PTPRQ: variants seen among roughly 807,000 people sequenced by gnomAD.
PTPRQ encodes the protein protein tyrosine phosphatase receptor type Q.
In PTPRQ, 199 loss-of-function variants were observed where a neutral mutation model predicts 246.0. That is an observed-to-expected ratio of 0.81 (90% CI 0.72 to 0.91). PTPRQ has a LOEUF of 0.91. PTPRQ is among the 40% of genes least tolerant of loss of function. PTPRQ has a pLI of 0.00. For synonymous variants in PTPRQ, 869 were observed against 853.2 expected, an observed-to-expected ratio of 1.02 and a Z score of -0.32; for missense variants, 2,624 against 2,528.4, an observed-to-expected ratio of 1.04 and a Z score of -0.81.
intron 37 of PTPRQ, 97 bp from the exon 38 acceptor site, chr12:80,652,647 T>TAA: frequency 8.1e-7 from 1 of 1,239,238 alleles, no homozygotes; most frequent in Non-Finnish European, 1.1e-6. Context: ...ATTTAAAAAT[T>TAA]AAAAAAAAAG....
At chr12:80,541,473 C>A in intron 20 of PTPRQ, 82 bp from the exon 21 acceptor site, 2 of 1,180,928 alleles carry the variant, frequency 1.7e-6, no homozygotes, top group Non-Finnish European at 1.1e-6. Context: ...GTTGCCATTT[C>A]AACAATTATA....
chr12:80,512,793 A>G (rs949200799), intron 17 of PTPRQ: 1 of 152,148 alleles, frequency 6.6e-6, no homozygotes, highest in Non-Finnish European at 1.5e-5. Context: ...CTCATCCTTC[A>G]AGAGGTATGC....
Position 80,495,237 on chromosome 12 carries a change from C to T in PTPRQ, c.1748C>T (p.Ser583Leu). The change falls in exon 12 of 45, where the codon TCA (serine) becomes TTA (leucine). Residue 583 changes from serine (S) to leucine (L), a missense_variant. Coordinates refer to ENST00000644991, the MANE Select transcript of PTPRQ (RefSeq NM_001145026.2). Reference protein sequence around the residue: ...KIINYKNISSSSILLYWDPPE... With the variant: ...KIINYKNISSLSILLYWDPPE... ...ATAAACTATAAAAATATTAGTTCTT[C>T]ATCTATTTTGTTATATTGGGATCCT... 1.3e-6 allele frequency: 2 copies of T among 1,540,022 alleles called. No homozygotes were observed. Among genetic ancestry groups the T allele is most frequent in the Non-Finnish European group, 1.7e-6 (2 of 1,143,366 alleles).
At chr12:80,652,656 A>G in intron 37 of PTPRQ, 88 bp from the exon 38 acceptor site, 1 of 1,305,752 alleles carries the variant, frequency 7.7e-7, no homozygotes. Flanking sequence ...TTAAAAAAAA[A>G]GTTTAGGACA....
At chr12:80,644,699 C>T (rs1214593408) in intron 35 of PTPRQ, among the ~76,000 whole-genome samples, 1 of 151,940 alleles carries the variant, frequency 6.6e-6, no homozygotes, top group African/African-American at 2.4e-5. Flanking sequence ...TATAGTATGT[C>T]CCATTTTCTT....
intron 27 of PTPRQ, among the ~76,000 whole-genome samples, 157 bp from the exon 28 acceptor site, chr12:80,610,282 T>C (rs1229031815): frequency 6.6e-6 from 1 of 150,518 alleles, no homozygotes; most frequent in Non-Finnish European, 1.5e-5. Context: ...TAAGCTGTTA[T>C]AATAGCACTT....
In PTPRQ at chr12:80,445,105, A is replaced by G. The variant is rs60520650; in HGVS notation, c.163+256A>G. 0.15 allele frequency among the ~76,000 whole-genome samples: 22,654 copies of G among 151,868 alleles called. 3,055 individuals are homozygous for G. The highest frequency in any genetic ancestry group is 0.36 in the African/African-American group (15,030 of 41,452). ...TAGATCAGAGAGACTGTTAATGCTA[A>G]CATTTAAATAATACAGAACCATGAA... On this transcript the variant is annotated intron_variant, in intron 2 of 44. Coordinates refer to ENST00000644991, the MANE Select transcript of PTPRQ (RefSeq NM_001145026.2).
At chr12:80,558,412 C>T (rs1030915606) in intron 25 of PTPRQ, among the ~76,000 whole-genome samples, 8 of 150,942 alleles carry the variant, frequency 5.3e-5, no homozygotes, top group Non-Finnish European at 8.8e-5. Flanking sequence ...AGGCAATGTG[C>T]CCACCTCGGC....
At chr12:80,678,845 GT>G (rs570631108) in intron 44 of PTPRQ, 120 bp downstream of exon 44, 85 of 1,430,432 alleles carry the variant, frequency 5.9e-5, no homozygotes, top group Middle Eastern at 2.0e-4. Context: ...CACAGATCAG[GT>G]TTTTTTTCTT....
intron 3 of PTPRQ, among the ~76,000 whole-genome samples, chr12:80,449,206 AC>A (rs1892659961): frequency 6.6e-6 from 1 of 150,830 alleles, no homozygotes; most frequent in Non-Finnish European, 1.5e-5. Context: ...TCCTTCACCC[AC>A]TTTTTGATGG....
chr12:80,676,967 C>G (rs1240826471), intron 43 of PTPRQ, among the ~76,000 whole-genome samples: 1 of 152,214 alleles, frequency 6.6e-6, no homozygotes, highest in African/African-American at 2.4e-5. Context: ...ATATGGCTCT[C>G]TAGGGCAGAA....
chr12:80,576,741 C>T (rs891021464), intron 25 of PTPRQ, among the ~76,000 whole-genome samples: 1 of 151,848 alleles, frequency 6.6e-6, no homozygotes, highest in Non-Finnish European at 1.5e-5. Flanking sequence ...TATGAGTACT[C>T]CTTTCAAATG....
chr12:80,640,700 T>A (rs533485738), intron 35 of PTPRQ, among the ~76,000 whole-genome samples: 1 of 152,316 alleles, frequency 6.6e-6, no homozygotes, highest in South Asian at 2.1e-4. Context: ...TTAAAATACA[T>A]AATATTGAAC....
intron 19 of PTPRQ, 119 bp from the exon 20 acceptor site, chr12:80,539,656 TA>T: frequency 1.2e-6 from 1 of 850,936 alleles, no homozygotes; most frequent in Non-Finnish European, 1.6e-6. Context: ...TCGATTTTCC[TA>T]AAACAACATA....
chr12:80,448,190 GA>G (rs1892612762), intron 3 of PTPRQ, among the ~76,000 whole-genome samples: 1 of 151,946 alleles, frequency 6.6e-6, no homozygotes, highest in South Asian at 2.1e-4. Context: ...TTCTCAGCCT[GA>G]ATGTTATTGG....
chr12:80,550,773 A>G (rs1397711921), intron 25 of PTPRQ, among the ~76,000 whole-genome samples: 1 of 152,264 alleles, frequency 6.6e-6, no homozygotes, highest in Non-Finnish European at 1.5e-5. Context: ...CAGCTGCTCC[A>G]AAATTTTCTA....
At chr12:80,515,425 C>T (rs1895261490) in intron 17 of PTPRQ, among the ~76,000 whole-genome samples, 1 of 144,136 alleles carries the variant, frequency 6.9e-6, no homozygotes, top group Non-Finnish European at 1.5e-5. Flanking sequence ...TGAATATTTC[C>T]TTTTTTTTTT....
intron 16 of PTPRQ, among the ~76,000 whole-genome samples, chr12:80,507,906 T>C (rs962504131): frequency 6.6e-5 from 10 of 152,052 alleles, no homozygotes; most frequent in Admixed American, 4.6e-4. Flanking sequence ...TAAGATTATA[T>C]GTAGTAAAAA....
rs954669949 is a variant in PTPRQ at position 80,489,573 on chromosome 12, A to G, written c.1360-3702A>G. On this transcript the variant is annotated intron_variant, in intron 9 of 44. Transcript: ENST00000644991. ...TCATGGCTTCTAGGTCCTTCATATC[A>G]TGGATTATATTCCTGTGCATATTTT... Among the ~76,000 whole-genome samples the G allele has an allele frequency of 2.6e-5, 4 of 152,102 alleles. No homozygotes were observed. In the East Asian group the frequency reaches 7.8e-4, roughly 29 times the overall value.
Sources: gnomAD v4.1 joint callset for allele counts (sites outside exome capture counted in the v4.1 genomes callset) on GRCh38, gnomAD v4.1.1 for gene constraint, MANE v1.5 for transcripts, NCBI Gene and HGNC (gene_info 2026-07-23, HGNC 2026-07-21) for gene names.